Variants in LANCL2 observed in about 807,000 individuals in gnomAD.
The protein encoded by LANCL2 is lanC-like protein 2.
In LANCL2, 33 loss-of-function variants were observed where a neutral mutation model predicts 56.9. The ratio of observed to expected loss-of-function variants is 0.58; its 90% CI spans 0.44 to 0.78. LANCL2 has a LOEUF of 0.78. LANCL2 is among the 30% of genes least tolerant of loss of function. The pLI is 0.00. For missense variants in LANCL2, 562 were observed against 580.2 expected (o/e 0.97, Z 0.32); for synonymous variants, 233 against 228.2 (o/e 1.02, Z -0.19).
intron 1 of LANCL2, among the ~76,000 whole-genome samples, chr7:55,390,200 C>T (rs1442646914): frequency 5.3e-5 from 8 of 151,290 alleles, no homozygotes; most frequent in Admixed American, 1.3e-4. Flanking sequence ...TGCTTAATAA[C>T]AGAACTTCCA....
chr7:55,399,284 AAAG>A (rs1385587998), intron 3 of LANCL2, among the ~76,000 whole-genome samples: 17 of 34,270 alleles, frequency 5.0e-4, no homozygotes, highest in Non-Finnish European at 8.8e-4. Context: ...AAAGAAAAAG[AAAG>A]AAAAAAAAAA....
intron 1 of LANCL2, among the ~76,000 whole-genome samples, chr7:55,391,309 C>T (rs368876989): frequency 7.2e-5 from 11 of 152,212 alleles, no homozygotes; most frequent in Non-Finnish European, 1.2e-4. Context: ...TGAGCCACCG[C>T]GCCCGGCCTG....
In LANCL2 at chr7:55,432,897, T is replaced by A. The variant is rs1790746825; in HGVS notation, c.*1577T>A. ...CCTATTTTACCTGGCCTCCAGGGCCTGTTGATGGGCTTTGCAGGCAGTCCA... is the reference window on the plus strand; with the variant it reads ...CCTATTTTACCTGGCCTCCAGGGCCAGTTGATGGGCTTTGCAGGCAGTCCA... On this transcript the variant is annotated 3_prime_UTR_variant, in exon 9 of 9. Coordinates refer to ENST00000254770, the MANE Select transcript of LANCL2 (RefSeq NM_018697.4). 6.6e-6 allele frequency: 1 copy of A among 152,244 alleles called. No individual in the cohort carries two copies. Among genetic ancestry groups the A allele is most frequent in the Admixed American group, 6.5e-5 (1 of 15,284 alleles). The allele number at this position is 152,244 out of a possible 1,614,324, so 9.4% of individuals were successfully genotyped here. A position where few individuals can be genotyped will look rare whatever the true frequency, so the allele number is the denominator to read the frequency against.
intron 6 of LANCL2, among the ~76,000 whole-genome samples, chr7:55,421,397 G>C (rs1415845462): frequency 2.0e-4 from 28 of 142,166 alleles, no homozygotes; most frequent in Admixed American, 1.9e-3. Flanking sequence ...GGAGTGCAGT[G>C]GTGCAATCTC....
chr7:55,412,086 C>T lies in LANCL2; in HGVS notation c.1005C>T (p.Tyr335=), dbSNP rs1272141376. ...PGVIHMLMQA[Y]KVFKEEKYLK... ...TCATCCACATGCTCATGCAGGCGTA[C>T]AAGGTCAGTGCTTCCGCCGTCACGG... is the stretch of plus-strand genomic sequence containing the variant. Residue 335 remains tyrosine (Y), a synonymous_variant, in exon 6 of 9, where the codon TAC becomes TAT. Coordinates refer to ENST00000254770, the MANE Select transcript of LANCL2 (RefSeq NM_018697.4). 6.2e-7 allele frequency: 1 copy of T among 1,612,728 alleles called. No homozygotes were observed. The highest frequency in any genetic ancestry group is 2.2e-5 in the East Asian group (1 of 44,862).
At chr7:55,403,969 C>T (rs1363940486) in intron 5 of LANCL2, among the ~76,000 whole-genome samples, 1 of 152,166 alleles carries the variant, frequency 6.6e-6, no homozygotes, top group African/African-American at 2.4e-5. Flanking sequence ...CAGAACCCAA[C>T]TGAGGCAGAG....
At chr7:55,401,858 G>A (rs1361582520) in intron 5 of LANCL2, among the ~76,000 whole-genome samples, 2 of 125,666 alleles carry the variant, frequency 1.6e-5, no homozygotes, top group Non-Finnish European at 3.4e-5. Context: ...AGGGTTGGGG[G>A]TAAGGTCACA....
chr7:55,403,575 T>G (rs1161160215), intron 5 of LANCL2, among the ~76,000 whole-genome samples: 9 of 140,178 alleles, frequency 6.4e-5, no homozygotes, highest in East Asian at 4.0e-4. Flanking sequence ...TGTTGTTTTT[T>G]TTTTTTTTTT....
At chr7:55,391,167 C>T (rs1790184545) in intron 1 of LANCL2, among the ~76,000 whole-genome samples, 1 of 150,130 alleles carries the variant, frequency 6.7e-6, no homozygotes, top group Admixed American at 6.6e-5. Flanking sequence ...CAGGCGCCCG[C>T]CACCACGCCC....
intron 1 of LANCL2, among the ~76,000 whole-genome samples, chr7:55,385,238 G>A (rs367720365): frequency 6.6e-6 from 1 of 152,122 alleles, no homozygotes; most frequent in Admixed American, 6.5e-5. Context: ...GTGGGTGAGT[G>A]GCGACTTTCT....
At chr7:55,414,931 C>T (rs1790509238) in intron 6 of LANCL2, among the ~76,000 whole-genome samples, 1 of 133,620 alleles carries the variant, frequency 7.5e-6, no homozygotes, top group Non-Finnish European at 1.5e-5. Flanking sequence ...TTGCAGTGAG[C>T]TATGATCATG....
chr7:55,395,915 T>A (rs199809284), intron 2 of LANCL2, among the ~76,000 whole-genome samples: 1 of 152,254 alleles, frequency 6.6e-6, no homozygotes, highest in Non-Finnish European at 1.5e-5. Flanking sequence ...CACACCTAGA[T>A]TGTGTAGCCA....
At chr7:55,430,310 T>C (rs1790713795) in intron 8 of LANCL2, among the ~76,000 whole-genome samples, 1 of 152,218 alleles carries the variant, frequency 6.6e-6, no homozygotes, top group Non-Finnish European at 1.5e-5. Context: ...AGGGGCCAAC[T>C]ATGAACAGGC....
At chr7:55,417,287 T>G (rs991359843) in intron 6 of LANCL2, among the ~76,000 whole-genome samples, 6 of 151,820 alleles carry the variant, frequency 4.0e-5, no homozygotes, top group African/African-American at 1.5e-4. Flanking sequence ...CCTGAGGTGT[T>G]TTTTTTTAAC....
At chr7:55,419,608 G>A (rs1790587068) in intron 6 of LANCL2, among the ~76,000 whole-genome samples, 1 of 151,838 alleles carries the variant, frequency 6.6e-6, no homozygotes, top group Non-Finnish European at 1.5e-5. Context: ...CACCATGTAG[G>A]CCAGGCTGGT....
intron 5 of LANCL2, among the ~76,000 whole-genome samples, chr7:55,407,418 A>AT (rs1790420936): frequency 6.6e-6 from 1 of 152,220 alleles, no homozygotes; most frequent in African/African-American, 2.4e-5. Flanking sequence ...TAAAAGTTTC[A>AT]TAAGTACAGG....
At chr7:55,366,734 C>G (rs1337321306) in intron 1 of LANCL2, among the ~76,000 whole-genome samples, 2 of 152,184 alleles carry the variant, frequency 1.3e-5, no homozygotes, top group African/African-American at 4.8e-5. Context: ...TTCTTAGTGT[C>G]GCGAGGTGGG....
chr7:55,378,050 A>G (rs1231932585), intron 1 of LANCL2, among the ~76,000 whole-genome samples: 7 of 152,242 alleles, frequency 4.6e-5, no homozygotes, highest in African/African-American at 1.7e-4. Context: ...ATAAGACCTC[A>G]AGTAAGCCTT....
intron 6 of LANCL2, among the ~76,000 whole-genome samples, chr7:55,424,345 C>G (rs1790639543): frequency 6.6e-6 from 1 of 152,186 alleles, no homozygotes; most frequent in South Asian, 2.1e-4. Flanking sequence ...GGAGGTGGTG[C>G]TTGCTCCTGG....
Sources: gnomAD v4.1 joint callset for allele counts (sites outside exome capture counted in the v4.1 genomes callset) on GRCh38, gnomAD v4.1.1 for gene constraint, MANE v1.5 for transcripts, NCBI Gene and HGNC (gene_info 2026-07-23, HGNC 2026-07-21) for gene names.